The following CERKL variants were observed in gnomAD, a reference collection of about 807,000 sequenced individuals.
CERKL encodes ceramide kinase-like protein.
In CERKL, 61 loss-of-function variants were observed where a neutral mutation model predicts 63.4. That is an observed-to-expected ratio of 0.96 (90% confidence interval 0.78 to 1.19). The LOEUF is 1.19. Among genes scored for constraint, CERKL ranks in the 50% most tolerant of loss-of-function variants. The pLI is 0.00. For missense variants in CERKL, 675 were observed against 655.5 expected (o/e 1.03, Z -0.33); for synonymous variants, 250 against 230.5 (o/e 1.08, Z -0.77).
At chr2:181,545,712 G>A (rs950642464) in intron 10 of CERKL, among the ~76,000 whole-genome samples, 1 of 152,088 alleles carries the variant, frequency 6.6e-6, no homozygotes, top group Non-Finnish European at 1.5e-5. Flanking sequence ...TGCTCAGTAT[G>A]CTTTCCATCA....
Position 181,656,959 on chromosome 2 carries a change from G to A in CERKL, c.48C>T (p.Gly16=). 1.9e-6 allele frequency: 3 copies of A among 1,582,762 alleles called. No individual in the cohort carries two copies. The highest frequency in any genetic ancestry group is 2.6e-6 in the Non-Finnish European group (3 of 1,164,936). Reference sequence around the variant, plus strand: ...CCTCCGGGGGCGCCTCTTCCTCCCGGCCGCCCTCCAGGGCACTCACCCGGT... The same window carrying A: ...CCTCCGGGGGCGCCTCTTCCTCCCGACCGCCCTCCAGGGCACTCACCCGGT... ...RRNRVSALEG[G]REEEAPPEAA... Residue 16 remains glycine, a synonymous_variant, in exon 1 of 13, where the codon GGC becomes GGT. Coordinates refer to ENST00000410087, the MANE Select transcript of CERKL (RefSeq NM_201548.5).
At chr2:181,656,672 G>C (rs1022687534) in intron 1 of CERKL, 97 bp downstream of exon 1, 18 of 1,066,160 alleles carry the variant, frequency 1.7e-5, no homozygotes, top group Non-Finnish European at 2.4e-5. Context: ...GGCGAGAAAA[G>C]GGGAGGGTGG....
chr2:181,601,182 G>A lies in CERKL; in HGVS notation c.481+2655C>T, dbSNP rs369875697. 2.6e-4 allele frequency among the ~76,000 whole-genome samples: 40 copies of A among 152,328 alleles called. No individual in the cohort carries two copies. In the South Asian group the frequency reaches 8.1e-3, roughly 31 times the overall value. On this transcript the variant is annotated intron_variant, in intron 2 of 12. Transcript: ENST00000410087. Reference sequence around the variant, plus strand: ...ACAACATACCAAAACCCCTGGGATAGGCACTTTAATGAATACCAGAACTAC... The same window carrying A: ...ACAACATACCAAAACCCCTGGGATAAGCACTTTAATGAATACCAGAACTAC...
intron 5 of CERKL, among the ~76,000 whole-genome samples, chr2:181,557,745 T>C (rs142931799): frequency 6.6e-6 from 1 of 152,298 alleles, no homozygotes; most frequent in East Asian, 1.9e-4. Context: ...TACTGTGGCA[T>C]GTAGGAGCCT....
At chr2:181,631,143 T>TA (rs1312843210) in intron 1 of CERKL, among the ~76,000 whole-genome samples, 1 of 152,254 alleles carries the variant, frequency 6.6e-6, no homozygotes, top group African/African-American at 2.4e-5. Context: ...AAGCACCATT[T>TA]ACAAGAATTT....
intron 10 of CERKL, among the ~76,000 whole-genome samples, chr2:181,545,761 C>T (rs921671115): frequency 2.0e-5 from 3 of 152,132 alleles, no homozygotes; most frequent in African/African-American, 2.4e-5. Context: ...AGCACCAAAA[C>T]GTTCATGGTA....
At chr2:181,576,148 G>A (rs1438580405) in intron 2 of CERKL, among the ~76,000 whole-genome samples, 3 of 152,048 alleles carry the variant, frequency 2.0e-5, no homozygotes, top group Non-Finnish European at 4.4e-5. Flanking sequence ...AAGATGAGAA[G>A]GGAACATTCT....
chr2:181,624,446 G>A (rs185830378), intron 1 of CERKL, among the ~76,000 whole-genome samples: 1 of 152,148 alleles, frequency 6.6e-6, no homozygotes, highest in Non-Finnish European at 1.5e-5. Flanking sequence ...AAGGCAGGAG[G>A]ATCACTTGAG....
chr2:181,640,552 T>C (rs921857908), intron 1 of CERKL, among the ~76,000 whole-genome samples: 1 of 152,236 alleles, frequency 6.6e-6, no homozygotes, highest in Non-Finnish European at 1.5e-5. Context: ...ATCAGTATTC[T>C]AGTGCTGAGA....
chr2:181,546,694 T>A (rs1286228782), intron 10 of CERKL, among the ~76,000 whole-genome samples: 1 of 152,198 alleles, frequency 6.6e-6, no homozygotes, highest in East Asian at 1.9e-4. Context: ...TTCAGCCCCA[T>A]AATGGACAGC....
chr2:181,646,594 T>C (rs1185767674), intron 1 of CERKL, among the ~76,000 whole-genome samples: 2 of 152,192 alleles, frequency 1.3e-5, no homozygotes, highest in African/African-American at 2.4e-5. Context: ...CCAGAAAGCA[T>C]GTAATGAGGA....
chr2:181,609,059 T>G (rs775961121), intron 1 of CERKL, among the ~76,000 whole-genome samples: 74 of 152,208 alleles, frequency 4.9e-4, no homozygotes, highest in Admixed American at 9.2e-4. Flanking sequence ...TAAGTGGAGA[T>G]ACAACAAGTT....
intron 1 of CERKL, among the ~76,000 whole-genome samples, chr2:181,613,639 T>C (rs1029969043): frequency 2.0e-5 from 3 of 152,252 alleles, no homozygotes; most frequent in African/African-American, 7.2e-5. Context: ...TTAGAAGAAA[T>C]ATTTAGTTCT....
chr2:181,561,863 G>C (rs1688462865), intron 4 of CERKL, among the ~76,000 whole-genome samples: 1 of 151,834 alleles, frequency 6.6e-6, no homozygotes, highest in Admixed American at 6.6e-5. Context: ...GCCCAGGCTG[G>C]AGAACAATGG....
intron 1 of CERKL, among the ~76,000 whole-genome samples, chr2:181,652,254 C>T (rs4666792): frequency 0.44 from 66,845 of 151,964 alleles, 16,308 homozygotes; most frequent in South Asian, 0.78. Flanking sequence ...TCGAAATATA[C>T]GATAAAACTA....
chr2:181,562,553 T>C (rs1688493056), intron 4 of CERKL, among the ~76,000 whole-genome samples: 1 of 152,232 alleles, frequency 6.6e-6, no homozygotes, highest in African/African-American at 2.4e-5. Flanking sequence ...TTCAATCATT[T>C]ATAGTGAGTT....
At chr2:181,540,515 T>C (rs1308167909) in intron 11 of CERKL, among the ~76,000 whole-genome samples, 4 of 152,160 alleles carry the variant, frequency 2.6e-5, no homozygotes, top group Non-Finnish European at 5.9e-5. Context: ...CCTAATCCAA[T>C]ATGACTGATG....
intron 2 of CERKL, among the ~76,000 whole-genome samples, chr2:181,574,536 T>C (rs1236673938): frequency 1.3e-5 from 2 of 152,210 alleles, no homozygotes; most frequent in East Asian, 1.9e-4. Context: ...TAGTGCTGCC[T>C]CACAGTTGGG....
chr2:181,620,825 A>T (rs1455132077), intron 1 of CERKL, among the ~76,000 whole-genome samples: 2 of 152,216 alleles, frequency 1.3e-5, no homozygotes, highest in Admixed American at 1.3e-4. Flanking sequence ...TTGACCGAAC[A>T]TCCAAAAGTA....
Sources: allele counts gnomAD v4.1 joint callset (sites outside exome capture counted in the v4.1 genomes callset), GRCh38; gene constraint gnomAD v4.1.1; transcripts MANE v1.5; gene names NCBI Gene and HGNC (gene_info 2026-07-23, HGNC 2026-07-21).